CLCN3: variants seen among roughly 807,000 people sequenced by gnomAD.
CLCN3 encodes Cl-/H+ antiporter 3, also known as H(+)/Cl(-) exchange transporter 3.
CLCN3 carries 16 observed loss-of-function variants against 83.4 expected under a neutral mutation model. The observed-to-expected ratio is 0.19, with a 90% CI of 0.13 to 0.29. The LOEUF (loss-of-function observed/expected upper bound fraction) is 0.29, where lower values mean the gene tolerates loss of function less well. Among genes scored for constraint, CLCN3 ranks in the 10% least tolerant of loss-of-function variants. The pLI is 1.00. For synonymous variants in CLCN3, 322 were observed against 346.2 expected (o/e 0.93, Z 0.78); for missense variants, 544 against 1,006.0 (o/e 0.54, Z 6.21).
intron 2 of CLCN3, among the ~76,000 whole-genome samples, chr4:169,649,239 AATG>A (rs1200226520): frequency 6.6e-6 from 1 of 152,164 alleles, no homozygotes; most frequent in Non-Finnish European, 1.5e-5. Context: ...GAGTGCAGAG[AATG>A]ATAACTAGAA....
At chr4:169,647,061 A>T (rs1285801040) in intron 2 of CLCN3, among the ~76,000 whole-genome samples, 1 of 152,166 alleles carries the variant, frequency 6.6e-6, no homozygotes, top group Admixed American at 6.5e-5. Context: ...ACATCATGAC[A>T]TTCAGATAGA....
intron 12 of CLCN3, among the ~76,000 whole-genome samples, chr4:169,713,807 T>C (rs1195647412): frequency 6.6e-6 from 1 of 152,248 alleles, no homozygotes; most frequent in African/African-American, 2.4e-5. Context: ...AAATCTCCTT[T>C]AACAAATGCT....
intron 2 of CLCN3, among the ~76,000 whole-genome samples, chr4:169,679,699 G>T (rs952681610): frequency 6.6e-6 from 1 of 152,218 alleles, no homozygotes; most frequent in Non-Finnish European, 1.5e-5. Context: ...GACCAGCCCG[G>T]CCAACACGGC....
chr4:169,674,073 C>T (rs776751776), intron 2 of CLCN3, among the ~76,000 whole-genome samples: 3 of 152,150 alleles, frequency 2.0e-5, no homozygotes, highest in Non-Finnish European at 4.4e-5. Context: ...TCCAATATGC[C>T]AGTTGTCCCA....
chr4:169,653,627 T>G (rs1217331063), intron 2 of CLCN3, among the ~76,000 whole-genome samples: 2 of 103,738 alleles, frequency 1.9e-5, no homozygotes, highest in African/African-American at 4.0e-5. Context: ...GGTGACAGAG[T>G]GAGACTCCGT....
chr4:169,705,741 C>T (rs554984495), intron 10 of CLCN3, among the ~76,000 whole-genome samples: 5 of 152,116 alleles, frequency 3.3e-5, no homozygotes, highest in South Asian at 2.1e-4. Flanking sequence ...TATGAACTGA[C>T]GAGCCCTGGT....
chr4:169,675,936 G>GGTTCT (rs1219301121), intron 2 of CLCN3, among the ~76,000 whole-genome samples: 1 of 152,050 alleles, frequency 6.6e-6, no homozygotes, highest in Non-Finnish European at 1.5e-5. Context: ...CTGTCTCTAT[G>GGTTCT]GTTCTATGAA....
chr4:169,690,744 A>G (rs1194429724), intron 6 of CLCN3, 92 bp downstream of exon 6: 1 of 1,248,170 alleles, frequency 8.0e-7, no homozygotes, highest in Non-Finnish European at 1.1e-6. Flanking sequence ...TTCTGGAGGG[A>G]GGGGATAGTT....
At chr4:169,641,180 A>G (rs1189398681) in intron 2 of CLCN3, among the ~76,000 whole-genome samples, 1 of 152,198 alleles carries the variant, frequency 6.6e-6, no homozygotes, top group African/African-American at 2.4e-5. Context: ...GCTTGAGCCC[A>G]GGTATTCAAG....
Position 169,720,705 on chromosome 4 carries a change from C to T in CLCN3, c.*708C>T, listed in dbSNP as rs1733606591. The T allele has an allele frequency of 6.6e-6, 1 of 152,556 alleles. No individual in the cohort carries two copies. Among genetic ancestry groups the T allele is most frequent in the Non-Finnish European group, 1.5e-5 (1 of 68,048 alleles). 9.5% of individuals were successfully genotyped at this position (152,556 alleles called of 1,614,324 possible). A position where few individuals can be genotyped will look rare whatever the true frequency, so the allele number is the denominator to read the frequency against. ...ATTAACCATGTAGTTTGTACCATCA[C>T]TAAATGCTTGGAACAGTACACATGC... On this transcript the variant is annotated 3_prime_UTR_variant, in exon 13 of 13. Coordinates refer to ENST00000513761, the MANE Select transcript of CLCN3 (RefSeq NM_001829.4).
At chr4:169,671,664 G>A (rs1364080717) in intron 2 of CLCN3, among the ~76,000 whole-genome samples, 2 of 152,102 alleles carry the variant, frequency 1.3e-5, no homozygotes, top group Non-Finnish European at 2.9e-5. Context: ...ATTTGAAACT[G>A]GGATACTGTA....
rs1230245157 is a variant in CLCN3 at position 169,691,619 on chromosome 4, A to G, written c.730-495A>G. Among the ~76,000 whole-genome samples the G allele has an allele frequency of 1.3e-5, 2 of 152,202 alleles. 1 individual carries two copies. The highest frequency in any genetic ancestry group is 1.3e-4 in the Admixed American group (2 of 15,276). On this transcript the variant is annotated intron_variant, in intron 6 of 12. Coordinates refer to ENST00000513761, the MANE Select transcript of CLCN3 (RefSeq NM_001829.4). The stretch of plus-strand genomic sequence containing the variant: ...TGATCTTTAAGTTTGTATTAAGAAT[A>G]TCTTTCATAAAAAGCAATATCATGC...
chr4:169,629,421 C>T (rs1327769964), intron 1 of CLCN3, among the ~76,000 whole-genome samples: 1 of 151,850 alleles, frequency 6.6e-6, no homozygotes, highest in Non-Finnish European at 1.5e-5. Context: ...GGCTGGAGTG[C>T]AGTGAGTGGT....
intron 2 of CLCN3, among the ~76,000 whole-genome samples, chr4:169,677,311 C>T (rs534806849): frequency 6.6e-4 from 100 of 152,164 alleles, no homozygotes; most frequent in Middle Eastern, 3.4e-3. Flanking sequence ...AAACTATGAG[C>T]CATGTGCCAA....
chr4:169,668,980 G>T (rs1000248242), intron 2 of CLCN3, among the ~76,000 whole-genome samples: 1 of 152,082 alleles, frequency 6.6e-6, no homozygotes, highest in Non-Finnish European at 1.5e-5. Context: ...AAGGTATCTT[G>T]ATTGATACCT....
At chr4:169,705,366 A>ACCTG (rs1313872494) in intron 10 of CLCN3, among the ~76,000 whole-genome samples, 2 of 152,172 alleles carry the variant, frequency 1.3e-5, no homozygotes, top group Non-Finnish European at 2.9e-5. Flanking sequence ...AAGACAAGAA[A>ACCTG]CCTGATTAAT....
At chr4:169,646,914 CAA>C (rs899124575) in intron 2 of CLCN3, among the ~76,000 whole-genome samples, 4 of 152,212 alleles carry the variant, frequency 2.6e-5, no homozygotes, top group South Asian at 2.1e-4. Context: ...GTTTTGGAAA[CAA>C]AAGAATACGG....
chr4:169,707,568 A>G (rs901065178), intron 11 of CLCN3, among the ~76,000 whole-genome samples: 1 of 152,208 alleles, frequency 6.6e-6, no homozygotes, highest in African/African-American at 2.4e-5. Flanking sequence ...TCAAAACAGC[A>G]TGTAATATAA....
intron 1 of CLCN3, among the ~76,000 whole-genome samples, chr4:169,630,048 A>G (rs1412358284): frequency 6.6e-6 from 1 of 152,248 alleles, no homozygotes; most frequent in Non-Finnish European, 1.5e-5. Flanking sequence ...CCTAGCATAT[A>G]GTAAGCTCTG....
Sources: gnomAD v4.1 joint callset for allele counts (sites outside exome capture counted in the v4.1 genomes callset) on GRCh38, gnomAD v4.1.1 for gene constraint, MANE v1.5 for transcripts, NCBI Gene and HGNC (gene_info 2026-07-23, HGNC 2026-07-21) for gene names.